Variants in TTC29 observed in about 807,000 individuals in gnomAD.
The protein encoded by TTC29 is tetratricopeptide repeat protein 29.
TTC29 carries 49 observed loss-of-function variants against 58.1 expected under a neutral mutation model. The ratio of observed to expected loss-of-function variants is 0.84; its 90% CI spans 0.67 to 1.07. The LOEUF is 1.07. Among genes scored for constraint, TTC29 ranks in the 50% least tolerant of loss-of-function variants. TTC29 has a pLI of 0.00. For missense variants in TTC29, 582 were observed against 555.6 expected, an observed-to-expected ratio of 1.05 and a Z score of -0.48; for synonymous variants, 209 against 196.8, an observed-to-expected ratio of 1.06 and a Z score of -0.52.
intron 9 of TTC29, 95 bp downstream of exon 9, chr4:146,833,711 A>T: frequency 1.1e-6 from 1 of 917,746 alleles, no homozygotes; most frequent in Non-Finnish European, 1.8e-6. Context: ...AAATTTAAGC[A>T]GGCAGTAATG....
intron 6 of TTC29, among the ~76,000 whole-genome samples, chr4:146,885,849 C>T (rs1000474548): frequency 2.0e-5 from 3 of 151,948 alleles, no homozygotes; most frequent in Non-Finnish European, 4.4e-5. Context: ...TTTAAGAAAT[C>T]GTGATTACTT....
chr4:146,862,725 C>T (rs1730315205), intron 8 of TTC29, among the ~76,000 whole-genome samples: 1 of 152,176 alleles, frequency 6.6e-6, no homozygotes, highest in African/African-American at 2.4e-5. Context: ...CTTTTCCCAA[C>T]TGCAAAGGCT....
Position 146,778,976 on chromosome 4 carries a change from C to CAAAAAAAAAAAA in TTC29, c.1330+24469_1330+24480dup, listed in dbSNP as rs369374851. Among the ~76,000 whole-genome samples, 82 of 28,532 alleles carry CAAAAAAAAAAAA rather than the reference C, an allele frequency of 2.9e-3. 2 individuals carry two copies. The highest frequency in any genetic ancestry group is 4.7e-3 in the African/African-American group (23 of 4,868). 18.7% of individuals were successfully genotyped at this position (28,532 alleles called of 152,430 possible). A position where few individuals can be genotyped will look rare whatever the true frequency, so the allele number is the denominator to read the frequency against. On this transcript the variant is annotated intron_variant, in intron 11 of 12. Coordinates refer to ENST00000325106, the MANE Select transcript of TTC29 (RefSeq NM_031956.4). ...AACTGCACTTGTACTCCTAAATAAG[C>CAAAAAAAAAAAA]AAAAAAAAAAAAAAAAAAAAAAAAA...
intron 4 of TTC29, among the ~76,000 whole-genome samples, chr4:146,936,919 A>G (rs73852801): frequency 0.075 from 11,390 of 152,112 alleles, 1,452 homozygotes; most frequent in African/African-American, 0.26. Context: ...ATTTTTCAAT[A>G]CTTACATGAA....
chr4:146,938,381 A>G (rs1484327558), intron 3 of TTC29, among the ~76,000 whole-genome samples: 1 of 152,154 alleles, frequency 6.6e-6, no homozygotes, highest in Non-Finnish European at 1.5e-5. Flanking sequence ...TATGATAAAA[A>G]TATTTTTCTT....
intron 11 of TTC29, among the ~76,000 whole-genome samples, chr4:146,764,531 A>C (rs771013584): frequency 2.0e-5 from 3 of 152,092 alleles, no homozygotes; most frequent in Admixed American, 1.3e-4. Flanking sequence ...CTTCAATAAA[A>C]ATAATTATTT....
intron 11 of TTC29, among the ~76,000 whole-genome samples, chr4:146,735,451 C>T (rs13141393): frequency 3.2e-3 from 485 of 152,224 alleles, no homozygotes; most frequent in Non-Finnish European, 4.4e-3. Flanking sequence ...GGAGGACCCA[C>T]GGCTCGCTAC....
chr4:146,914,050 C>A (rs1025030120), intron 4 of TTC29, among the ~76,000 whole-genome samples: 1 of 152,090 alleles, frequency 6.6e-6, no homozygotes, highest in Non-Finnish European at 1.5e-5. Flanking sequence ...CTGTTTAAGC[C>A]TCATTGCTAA....
chr4:146,885,184 A>T (rs542054355), intron 6 of TTC29, among the ~76,000 whole-genome samples: 1 of 152,178 alleles, frequency 6.6e-6, no homozygotes, highest in African/African-American at 2.4e-5. Flanking sequence ...AATTAGGGTG[A>T]CACTACCCTA....
intron 11 of TTC29, among the ~76,000 whole-genome samples, chr4:146,729,364 T>C (rs1437102285): frequency 1.3e-5 from 2 of 152,196 alleles, no homozygotes; most frequent in African/African-American, 4.8e-5. Flanking sequence ...TAAAACTGGA[T>C]TGTTCTTTTG....
chr4:146,932,824 A>C (rs1185347694), intron 4 of TTC29, among the ~76,000 whole-genome samples: 2 of 152,174 alleles, frequency 1.3e-5, no homozygotes, highest in Non-Finnish European at 2.9e-5. Flanking sequence ...TGGGAGGCTG[A>C]AGTGGGTGGA....
At chr4:146,803,888 T>C (rs1750415946) in intron 10 of TTC29, among the ~76,000 whole-genome samples, 1 of 152,190 alleles carries the variant, frequency 6.6e-6, no homozygotes, top group African/African-American at 2.4e-5. Flanking sequence ...TATCTTGAAA[T>C]TAACTTAGTA....
At chr4:146,797,832 TTATATATA>T (rs70958528) in intron 11 of TTC29, among the ~76,000 whole-genome samples, 5 of 130,054 alleles carry the variant, frequency 3.8e-5, no homozygotes, top group African/African-American at 5.8e-5. Flanking sequence ...TTACTTTGTT[TTATATATA>T]TATATATATA....
chr4:146,855,090 A>G (rs1202617121), intron 8 of TTC29, among the ~76,000 whole-genome samples: 3 of 152,108 alleles, frequency 2.0e-5, no homozygotes, highest in Non-Finnish European at 4.4e-5. Context: ...TGAGGTCAGG[A>G]GTTCAAGACC....
At chr4:146,883,034 T>C (rs954774334) in intron 6 of TTC29, among the ~76,000 whole-genome samples, 2 of 152,050 alleles carry the variant, frequency 1.3e-5, no homozygotes, top group African/African-American at 4.8e-5. Flanking sequence ...ATTTTTGAGA[T>C]GAGGAAACTG....
chr4:146,907,452 C>T (rs1669730318), intron 5 of TTC29, among the ~76,000 whole-genome samples: 1 of 152,122 alleles, frequency 6.6e-6, no homozygotes, highest in African/African-American at 2.4e-5. Context: ...TTAAATATCA[C>T]TGTAGAATTT....
chr4:146,910,236 T>G (rs1172759649), intron 4 of TTC29, among the ~76,000 whole-genome samples: 2 of 151,878 alleles, frequency 1.3e-5, no homozygotes, highest in Non-Finnish European at 2.9e-5. Flanking sequence ...GTCTCCAGTC[T>G]TCTCATCTCT....
intron 9 of TTC29, among the ~76,000 whole-genome samples, chr4:146,827,692 T>C (rs1727900262): frequency 6.6e-6 from 1 of 152,190 alleles, no homozygotes; most frequent in Non-Finnish European, 1.5e-5. Flanking sequence ...GATTAAAAAT[T>C]GTGTAAATGT....
intron 4 of TTC29, among the ~76,000 whole-genome samples, chr4:146,936,459 G>A (rs1409613641): frequency 1.3e-5 from 2 of 152,036 alleles, no homozygotes; most frequent in Non-Finnish European, 2.9e-5. Context: ...AGAAGTAGTT[G>A]TACTATAATA....
Sources: gnomAD v4.1 joint callset for allele counts (sites outside exome capture counted in the v4.1 genomes callset) on GRCh38, gnomAD v4.1.1 for gene constraint, MANE v1.5 for transcripts, NCBI Gene and HGNC (gene_info 2026-07-23, HGNC 2026-07-21) for gene names.